AHI1: variants seen among roughly 807,000 people sequenced by gnomAD.
The protein encoded by AHI1 is Abelson helper integration site 1.
Under a neutral mutation model 149.3 loss-of-function variants are expected in AHI1, and 123 were observed. That is an observed-to-expected ratio of 0.82 (90% CI 0.71 to 0.96). AHI1 has a LOEUF of 0.96. Among genes scored for constraint, AHI1 ranks in the 40% least tolerant of loss-of-function variants. The pLI, the probability that AHI1 is intolerant of heterozygous loss-of-function variation, is 0.00. For synonymous variants in AHI1, 475 were observed against 459.8 expected, an observed-to-expected ratio of 1.03 and a Z score of -0.42; for missense variants, 1,439 against 1,422.7, an observed-to-expected ratio of 1.01 and a Z score of -0.18.
At chr6:135,379,211 C>A (rs1354313574) in intron 23 of AHI1, among the ~76,000 whole-genome samples, 1 of 152,106 alleles carries the variant, frequency 6.6e-6, no homozygotes, top group East Asian at 1.9e-4. Context: ...TCATTATCTT[C>A]CTCTCAATAT....
intron 24 of AHI1, among the ~76,000 whole-genome samples, chr6:135,337,223 A>G (rs916105637): frequency 6.6e-6 from 1 of 152,220 alleles, no homozygotes; most frequent in African/African-American, 2.4e-5. Context: ...GAAGAAGATC[A>G]ACAAAGTACT....
rs1562753388 is a variant in AHI1, at chr6:135,431,208, CTTAT to C, written c.2369_2372del (p.Asn790ArgfsTer13). The C allele has an allele frequency of 1.3e-6, 2 of 1,557,384 alleles. No homozygotes were observed. Among genetic ancestry groups the C allele is most frequent in the Non-Finnish European group, 1.8e-6 (2 of 1,142,566 alleles). On this transcript the variant is annotated frameshift_variant and splice_region_variant, in exon 17 of 29. Transcript: ENST00000265602. LOFTEE classifies it high-confidence loss of function. ...CAAAATATAAAATATGATTTTATAC[CTTAT>C]TTATAGTCCAGTGGTGCACTGAATG...
chr6:135,350,700 G>A (rs1374978856), intron 24 of AHI1, among the ~76,000 whole-genome samples: 2 of 152,146 alleles, frequency 1.3e-5, no homozygotes, highest in Non-Finnish European at 2.9e-5. Flanking sequence ...CTCAAGAAAA[G>A]GCCTATTATG....
At chr6:135,417,874 T>C (rs1782611303) in intron 20 of AHI1, among the ~76,000 whole-genome samples, 1 of 152,072 alleles carries the variant, frequency 6.6e-6, no homozygotes, top group African/African-American at 2.4e-5. Flanking sequence ...ATACATCAAC[T>C]TGTATCAGAC....
chr6:135,291,581 G>T (rs912107382), intron 27 of AHI1, among the ~76,000 whole-genome samples: 1 of 152,234 alleles, frequency 6.6e-6, no homozygotes, highest in East Asian at 1.9e-4. Context: ...GGGACTTCTA[G>T]CCCCCAGAAC....
At chr6:135,404,348 G>A (rs561591854) in intron 22 of AHI1, among the ~76,000 whole-genome samples, 41 of 152,228 alleles carry the variant, frequency 2.7e-4, no homozygotes, top group African/African-American at 4.1e-4. Context: ...TTTACTAATC[G>A]AGAGCCTTTT....
chr6:135,331,065 A>G (rs149990054), intron 24 of AHI1, among the ~76,000 whole-genome samples: 14 of 152,320 alleles, frequency 9.2e-5, no homozygotes, highest in African/African-American at 2.6e-4. Flanking sequence ...CACTATAGAA[A>G]TATCTTTCTT....
intron 24 of AHI1, among the ~76,000 whole-genome samples, chr6:135,357,055 C>G (rs1251424085): frequency 1.3e-5 from 2 of 152,218 alleles, no homozygotes; most frequent in African/African-American, 4.8e-5. Flanking sequence ...TCCCCTGCCT[C>G]AGCCTCCCGA....
At chr6:135,390,804 T>C (rs575085488) in intron 23 of AHI1, among the ~76,000 whole-genome samples, 5 of 152,354 alleles carry the variant, frequency 3.3e-5, no homozygotes, top group African/African-American at 9.6e-5. Flanking sequence ...GAGAGTTTTG[T>C]TGAAGATCAA....
At chr6:135,399,972 C>A (rs1236700904) in intron 22 of AHI1, among the ~76,000 whole-genome samples, 3 of 152,064 alleles carry the variant, frequency 2.0e-5, no homozygotes, top group African/African-American at 7.2e-5. Context: ...GTCACAGGGA[C>A]TTGTATGGAT....
intron 10 of AHI1, 64 bp downstream of exon 10, chr6:135,455,670 G>T: frequency 1.6e-6 from 2 of 1,230,934 alleles, no homozygotes; most frequent in Non-Finnish European, 2.2e-6. Flanking sequence ...AAAAATAATA[G>T]CTTACATTTG....
In AHI1 at chr6:135,409,626, C is replaced by T. The variant is rs7768681; in HGVS notation, c.2961+1722G>A. ...AATTATACTACTAGTATTATTTCAG[C>T]TTCATTATTACTTTGGCTCTCATGG... On this transcript the variant is annotated intron_variant, in intron 21 of 28. Coordinates refer to ENST00000265602, the MANE Select transcript of AHI1 (RefSeq NM_001134831.2). Among the ~76,000 whole-genome samples the T allele has an allele frequency of 1.6e-3, 237 of 152,254 alleles. 6 individuals are homozygous for T. In the East Asian group the frequency reaches 0.035, roughly 22 times the overall value.
intron 25 of AHI1, among the ~76,000 whole-genome samples, chr6:135,319,729 A>C (rs1050444580): frequency 6.6e-6 from 1 of 152,262 alleles, no homozygotes; most frequent in Non-Finnish European, 1.5e-5. Context: ...ATACTTGATC[A>C]AAATTGTACA....
intron 5 of AHI1, chr6:135,490,375 C>A (rs1795084554): frequency 1.5e-6 from 1 of 651,626 alleles, no homozygotes; most frequent in Non-Finnish European, 2.7e-6. Context: ...AGTTTCCCCA[C>A]TATCTCTGGT....
intron 24 of AHI1, among the ~76,000 whole-genome samples, chr6:135,357,700 T>C (rs1227395273): frequency 6.6e-6 from 1 of 152,238 alleles, no homozygotes; most frequent in East Asian, 1.9e-4. Context: ...CTAATAATTA[T>C]CTTCCTTCTA....
At chr6:135,342,393 T>A (rs1415465982) in intron 24 of AHI1, among the ~76,000 whole-genome samples, 1 of 151,882 alleles carries the variant, frequency 6.6e-6, no homozygotes, top group Non-Finnish European at 1.5e-5. Context: ...GAAATGAACA[T>A]TTTCTAATTC....
intron 27 of AHI1, among the ~76,000 whole-genome samples, chr6:135,294,250 C>T (rs9483825): frequency 3.3e-5 from 5 of 152,006 alleles, no homozygotes; most frequent in South Asian, 2.1e-4. Flanking sequence ...CACCTGAACC[C>T]GGGAGGCGGA....
In AHI1 at chr6:135,411,406, T is replaced by A; in HGVS notation, c.2903A>T (p.His968Leu). Reference protein sequence around the residue: ...QGSFQIDEFVHTESSSTKMQL... With the variant: ...QGSFQIDEFVLTESSSTKMQL... ...CATCTTCGTTGAAGAACTTTCAGTG[T>A]GGACAAATTCATCAATCTGAAAAGA... is the stretch of plus-strand genomic sequence containing the variant. The change falls in exon 21 of 29, where the codon CAC becomes CTC. Residue 968 changes from histidine (H) to leucine (L), a missense_variant. Coordinates refer to ENST00000265602, the MANE Select transcript of AHI1 (RefSeq NM_001134831.2). The A allele has an allele frequency of 6.2e-7, 1 of 1,613,876 alleles. No individual in the cohort carries two copies. The highest frequency in any genetic ancestry group is 1.1e-5 in the South Asian group (1 of 91,070).
At chr6:135,486,536 T>C (rs950296474) in intron 5 of AHI1, among the ~76,000 whole-genome samples, 1 of 152,194 alleles carries the variant, frequency 6.6e-6, no homozygotes, top group Non-Finnish European at 1.5e-5. Context: ...GGGAACTATC[T>C]GGCTGAGATA....
Sources: gnomAD v4.1 joint callset for allele counts (sites outside exome capture counted in the v4.1 genomes callset) on GRCh38, gnomAD v4.1.1 for gene constraint, MANE v1.5 for transcripts, NCBI Gene and HGNC (gene_info 2026-07-23, HGNC 2026-07-21) for gene names.